HTR3A: variants seen among roughly 807,000 people sequenced by gnomAD.
The protein encoded by HTR3A is 5-hydroxytryptamine (serotonin) receptor 3A, ionotropic.
Under a neutral mutation model 54.8 loss-of-function variants are expected in HTR3A, and 45 were observed. The ratio of observed to expected loss-of-function variants is 0.82; its 90% CI spans 0.65 to 1.05. The LOEUF is 1.05. Ranked by LOEUF, HTR3A falls within the 50% of genes least tolerant of loss-of-function variation. The probability of loss-of-function intolerance (pLI) is 0.00; values close to 1 mark genes in which losing one functional copy is unlikely to be tolerated. For synonymous variants in HTR3A, 297 were observed against 256.0 expected (o/e 1.16, Z -1.53); for missense variants, 657 against 614.0 (o/e 1.07, Z -0.74).
At chr11:113,977,955 A>T (rs770702708) in intron 2 of HTR3A, 33 bp downstream of exon 2, 1 of 1,613,964 alleles carries the variant, frequency 6.2e-7, no homozygotes, top group South Asian at 1.1e-5. Flanking sequence ...ACACAGGCAG[A>T]CCTTTTGGGG....
intron 5 of HTR3A, among the ~76,000 whole-genome samples, chr11:113,984,099 C>T (rs551799476): frequency 1.4e-4 from 21 of 152,260 alleles, no homozygotes; most frequent in Non-Finnish European, 2.2e-4. Flanking sequence ...GCCCTTTCCT[C>T]CCTCTCCCAA....
Position 113,987,015 on chromosome 11 carries a change from C to G in HTR3A, c.1107C>G (p.Thr369=). ...CAACTTCCCAGAGGCCCCCAGCCAC[C>G]TCCCAAGCCACCAAGACTGATGACT... ...EQSTSQRPPA[T]SQATKTDDCS... Residue 369 remains threonine (T), a synonymous_variant, in exon 8 of 9, where the codon ACC becomes ACG. Transcript: ENST00000504030. 2.5e-6 allele frequency: 4 copies of G among 1,613,916 alleles called. No individual in the cohort carries two copies. Among genetic ancestry groups the G allele is most frequent in the Non-Finnish European group, 3.4e-6 (4 of 1,180,016 alleles).
At position 113,986,174 on chromosome 11, in the gene HTR3A, A is replaced by C; in HGVS notation, c.704A>C (p.Tyr235Ser). 1 of 1,614,176 alleles carries C rather than the reference A, an allele frequency of 6.2e-7. No individual in the cohort carries two copies. The highest frequency in any genetic ancestry group is 8.5e-7 in the Non-Finnish European group (1 of 1,180,020). Residue 235 changes from tyrosine (Y) to serine (S), a missense_variant and splice_region_variant, in exon 6 of 9, where the codon TAT (tyrosine) becomes TCT (serine). Tyr to Ser is a moderately radical substitution (Grantham distance 144, BLOSUM62 -2). Coordinates refer to ENST00000504030, the MANE Select transcript of HTR3A (RefSeq NM_000869.6). ...SSNYYAEMKF[Y>S]VVIRRRPLFY... ...AACTACTATGCAGAAATGAAGTTCT[A>C]TGTGAGTGGGAGTGAATGTGGGTAA... is the stretch of plus-strand genomic sequence containing the variant.
chr11:113,977,198 A>C (rs747394156), intron 1 of HTR3A, among the ~76,000 whole-genome samples: 1 of 152,140 alleles, frequency 6.6e-6, no homozygotes, highest in Non-Finnish European at 1.5e-5. Context: ...TGGCTTTTGC[A>C]GGATGTAGAG....
At chr11:113,979,348 C>A in intron 3 of HTR3A, 71 bp downstream of exon 3, 2 of 1,260,402 alleles carry the variant, frequency 1.6e-6, no homozygotes, top group Non-Finnish European at 2.3e-6. Context: ...TCGGGAGTTT[C>A]AGTGGCCTTG....
chr11:113,979,369 G>A (rs1016248869), intron 3 of HTR3A, 92 bp downstream of exon 3: 3 of 1,015,336 alleles, frequency 3.0e-6, no homozygotes, highest in African/African-American at 3.1e-5. Flanking sequence ...GCGAGGGAAG[G>A]TGAGCGGAGA....
At chr11:113,980,020 C>T (rs936146777) in intron 3 of HTR3A, among the ~76,000 whole-genome samples, 2 of 152,172 alleles carry the variant, frequency 1.3e-5, no homozygotes, top group East Asian at 3.9e-4. Flanking sequence ...TCACCACCAC[C>T]AGACATGGGA....
At position 113,981,291 on chromosome 11, in the gene HTR3A, CG is replaced by C. The variant is rs1565579892; in HGVS notation, c.355del (p.Asp119ThrfsTer36). 6.2e-7 allele frequency: 1 copy of C among 1,611,882 alleles called. No individual in the cohort carries two copies. Among genetic ancestry groups the C allele is most frequent in the Non-Finnish European group, 8.5e-7 (1 of 1,177,956 alleles). On this transcript the variant is annotated frameshift_variant, in exon 4 of 9. Transcript: ENST00000504030. LOFTEE classifies it high-confidence loss of function. The stretch of plus-strand genomic sequence containing the variant: ...ATCCCCACGGACAGCATCTGGGTCC[CG>C]GACATTCTCATCAATGAGTTGTGAG... ...LSIPTDSIWV[P>X]DILINEFVDV... is the part of the protein sequence containing the mutation.
rs1221750694 is a variant in HTR3A, at chr11:113,986,106, G to A, written c.636G>A (p.Leu212=). The change falls in exon 6 of 9, where the codon CTG becomes CTA. Residue 212 remains leucine (L), a synonymous_variant. Coordinates refer to ENST00000504030, the MANE Select transcript of HTR3A (RefSeq NM_000869.6). ...TGAACCAGGGAGAGTGGGAGTTGCT[G>A]GGGGTGCTGCCCTACTTTCGGGAGT... ...VFMNQGEWEL[L]GVLPYFREFS... 1.2e-6 allele frequency: 2 copies of A among 1,614,072 alleles called. No individual in the cohort carries two copies. Among genetic ancestry groups the A allele is most frequent in the Non-Finnish European group, 1.7e-6 (2 of 1,180,044 alleles).
At chr11:113,975,494 A>G (rs986872469) in intron 1 of HTR3A, 102 bp downstream of exon 1, 7 of 942,964 alleles carry the variant, frequency 7.4e-6, no homozygotes, top group Non-Finnish European at 1.2e-5. Context: ...AGGGTGGGGA[A>G]CAGTGCAGCT....
At chr11:113,983,738 A>G (rs1437624015) in intron 5 of HTR3A, among the ~76,000 whole-genome samples, 2 of 152,140 alleles carry the variant, frequency 1.3e-5, no homozygotes, top group Non-Finnish European at 2.9e-5. Context: ...TCTCAGATCC[A>G]TTTATTTCAC....
rs373126640 is a variant in HTR3A, at chr11:113,983,072, C to G, written c.375-48C>G. 60 of 1,610,510 alleles carry G rather than the reference C, an allele frequency of 3.7e-5. No homozygotes were observed. In the African/African-American group the frequency reaches 7.7e-4, roughly 21 times the overall value. ...TTCCAAGATCTTCAGGCACCCAGAG[C>G]TTGCCCTGTCTCTTGAGCTCCCAAA... On this transcript the variant is annotated intron_variant, in intron 4 of 8. Coordinates refer to ENST00000504030, the MANE Select transcript of HTR3A (RefSeq NM_000869.6).
chr11:113,976,387 G>A (rs1156822588), intron 1 of HTR3A, among the ~76,000 whole-genome samples: 1 of 152,050 alleles, frequency 6.6e-6, no homozygotes, highest in Non-Finnish European at 1.5e-5. Flanking sequence ...GCTCTTGCTG[G>A]TGTAGTAAAG....
intron 6 of HTR3A, 33 bp from the exon 7 acceptor site, chr11:113,986,485 C>T (rs1158691262): frequency 1.2e-6 from 2 of 1,608,832 alleles, no homozygotes; most frequent in South Asian, 1.1e-5. Context: ...CCTGTTTGCC[C>T]CAGGCTTCCC....
In HTR3A at chr11:113,981,277, C is replaced by G. The variant is rs748143851; in HGVS notation, c.339C>G (p.Asp113Glu). 2 of 1,613,520 alleles carry G rather than the reference C, an allele frequency of 1.2e-6. No individual in the cohort carries two copies. Among genetic ancestry groups the G allele is most frequent in the Non-Finnish European group, 1.7e-6 (2 of 1,179,408 alleles). ...TCACCAAGTTGTCCATCCCCACGGA[C>G]AGCATCTGGGTCCCGGACATTCTCA... Reference protein sequence around the residue: ...DNITKLSIPTDSIWVPDILIN... With the variant: ...DNITKLSIPTESIWVPDILIN... The change falls in exon 4 of 9, where the codon GAC (aspartate) becomes GAG (glutamate). Residue 113 changes from aspartate (D) to glutamate (E), a missense_variant. Transcript: ENST00000504030.
chr11:113,986,621 G>T lies in HTR3A; in HGVS notation c.809G>T (p.Ser270Ile), dbSNP rs777612452. ...GTGGGCTTCTACCTGCCCCCCAACA[G>T]TGGCGAGAGGGTCTCTTTCAAGATT... ...DIVGFYLPPN[S>I]GERVSFKITL... is the part of the protein sequence containing the mutation. The change falls in exon 7 of 9, where the codon AGT becomes ATT. Residue 270 changes from serine to isoleucine, a missense_variant. Coordinates refer to ENST00000504030, the MANE Select transcript of HTR3A (RefSeq NM_000869.6). 6.2e-7 allele frequency: 1 copy of T among 1,613,904 alleles called. No individual in the cohort carries two copies. Among genetic ancestry groups the T allele is most frequent in the Non-Finnish European group, 8.5e-7 (1 of 1,180,032 alleles).
At chr11:113,979,099 C>T (rs1462705299) in intron 2 of HTR3A, 134 bp from the exon 3 acceptor site, 5 of 746,830 alleles carry the variant, frequency 6.7e-6, no homozygotes, top group Middle Eastern at 4.5e-4. Context: ...CTTTCCCGAC[C>T]CCGGCCCCTG....
At chr11:113,976,065 T>G (rs1269244884) in intron 1 of HTR3A, among the ~76,000 whole-genome samples, 2 of 152,100 alleles carry the variant, frequency 1.3e-5, no homozygotes, top group African/African-American at 2.4e-5. Flanking sequence ...GCAGACCATG[T>G]TCATTCCCCT....
chr11:113,979,605 C>T (rs961690911), intron 3 of HTR3A, among the ~76,000 whole-genome samples: 1 of 152,194 alleles, frequency 6.6e-6, no homozygotes, highest in Non-Finnish European at 1.5e-5. Flanking sequence ...CTAGACCATT[C>T]TTCCTTCTAT....
Sources: allele counts gnomAD v4.1 joint callset (sites outside exome capture counted in the v4.1 genomes callset), GRCh38; gene constraint gnomAD v4.1.1; transcripts MANE v1.5; gene names NCBI Gene and HGNC (gene_info 2026-07-23, HGNC 2026-07-21).